Variants in FHIT observed in about 807,000 individuals in gnomAD.
FHIT encodes the protein fragile histidine triad diadenosine triphosphatase.
FHIT carries 19 observed loss-of-function variants against 17.9 expected under a neutral mutation model. The ratio of observed to expected loss-of-function variants is 1.06; its 90% CI spans 0.74 to 1.56. The LOEUF (loss-of-function observed/expected upper bound fraction) is 1.56, where lower values mean the gene tolerates loss of function less well. Ranked by LOEUF, FHIT falls within the 40% of genes most tolerant of loss-of-function variation. FHIT has a pLI of 0.00. For synonymous variants in FHIT, 81 were observed against 69.7 expected, an observed-to-expected ratio of 1.16 and a Z score of -0.81; for missense variants, 248 against 189.2, an observed-to-expected ratio of 1.31 and a Z score of -1.82.
intron 4 of FHIT, among the ~76,000 whole-genome samples, chr3:60,599,435 T>C (rs1553667972): frequency 1.3e-5 from 2 of 152,160 alleles, no homozygotes; most frequent in South Asian, 2.1e-4. Flanking sequence ...GGCTCAAAGA[T>C]AAGATACTTT....
At chr3:59,991,736 C>A (rs1174571247) in intron 7 of FHIT, among the ~76,000 whole-genome samples, 1 of 152,032 alleles carries the variant, frequency 6.6e-6, no homozygotes, top group Non-Finnish European at 1.5e-5. Flanking sequence ...GCTCAACAGT[C>A]GTTGTCTCCC....
At chr3:60,836,778 T>C (rs782355589) in intron 3 of FHIT, among the ~76,000 whole-genome samples, 1 of 152,128 alleles carries the variant, frequency 6.6e-6, no homozygotes, top group African/African-American at 2.4e-5. Context: ...CACTTTGATT[T>C]TGGGGGAAGG....
At chr3:60,263,705 C>T (rs34944550) in intron 5 of FHIT, among the ~76,000 whole-genome samples, 19,829 of 151,834 alleles carry the variant, frequency 0.13, 1,785 homozygotes, top group Non-Finnish European at 0.18. Context: ...GTGGAAGAAA[C>T]TTATTGATTT....
intron 7 of FHIT, among the ~76,000 whole-genome samples, chr3:59,977,073 G>A (rs575310695): frequency 2.9e-4 from 44 of 152,196 alleles, no homozygotes; most frequent in Admixed American, 5.9e-4. Context: ...TATCCATAGA[G>A]CTTGGATATA....
Position 59,904,422 on chromosome 3 carries a change from G to A in FHIT, c.348+17924C>T, listed in dbSNP as rs1338112097. 2.0e-5 allele frequency among the ~76,000 whole-genome samples: 3 copies of A among 152,180 alleles called. No individual in the cohort carries two copies. In the East Asian group the frequency reaches 5.8e-4, roughly 29 times the overall value. On this transcript the variant is annotated intron_variant, in intron 8 of 9. Coordinates refer to ENST00000492590, the MANE Select transcript of FHIT (RefSeq NM_002012.4). ...TGCATCAAAATCTTCCACCTCAACT[G>A]TCAGAAACAGATTGGAGAAAGTATT...
chr3:60,785,896 GACAC>G (rs71092634), intron 4 of FHIT, among the ~76,000 whole-genome samples: 218 of 85,854 alleles, frequency 2.5e-3, no homozygotes, highest in East Asian at 0.014. Context: ...ACAAACAGAA[GACAC>G]ACACACACAC....
chr3:60,155,408 AC>A (rs1458108705), intron 5 of FHIT, among the ~76,000 whole-genome samples: 1 of 151,940 alleles, frequency 6.6e-6, no homozygotes, highest in Non-Finnish European at 1.5e-5. Context: ...CTCCCCAACT[AC>A]CCCACGCAGC....
intron 5 of FHIT, among the ~76,000 whole-genome samples, chr3:60,242,690 A>G (rs553016439): frequency 6.6e-6 from 1 of 152,158 alleles, no homozygotes; most frequent in East Asian, 1.9e-4. Flanking sequence ...TAAAGACCAC[A>G]TCTTCTAATT....
At chr3:60,192,250 CAAAAAAAA>C (rs71089591) in intron 5 of FHIT, among the ~76,000 whole-genome samples, 1 of 121,580 alleles carries the variant, frequency 8.2e-6, no homozygotes, top group African/African-American at 3.2e-5. Flanking sequence ...CACTATGTCT[CAAAAAAAA>C]AAAAAAAAAA....
intron 5 of FHIT, among the ~76,000 whole-genome samples, chr3:60,335,512 A>T (rs1009828512): frequency 1.3e-5 from 2 of 152,190 alleles, no homozygotes; most frequent in Non-Finnish European, 2.9e-5. Context: ...TGATTCAAAC[A>T]TACAGATTCA....
intron 3 of FHIT, among the ~76,000 whole-genome samples, chr3:60,846,231 C>A (rs1553746415): frequency 6.6e-6 from 1 of 152,150 alleles, no homozygotes; most frequent in African/African-American, 2.4e-5. Flanking sequence ...AAGGTTATCA[C>A]CCTTCTGCCT....
chr3:60,719,603 G>A (rs1442964806), intron 4 of FHIT, among the ~76,000 whole-genome samples: 1 of 152,176 alleles, frequency 6.6e-6, no homozygotes, highest in African/African-American at 2.4e-5. Context: ...GGCAGCGTCA[G>A]CAGCATTTGG....
chr3:60,547,952 G>A (rs896695959), intron 4 of FHIT, among the ~76,000 whole-genome samples: 9 of 152,164 alleles, frequency 5.9e-5, no homozygotes, highest in Admixed American at 2.0e-4. Context: ...TTCTTTTTCC[G>A]GATTTGCTTT....
chr3:60,150,373 ATCACTGTTGCC>A (rs1700413491), intron 5 of FHIT, among the ~76,000 whole-genome samples: 1 of 152,132 alleles, frequency 6.6e-6, no homozygotes, highest in East Asian at 1.9e-4. Flanking sequence ...ATTGGAGTCA[ATCACTGTTGCC>A]CCTACCCTAG....
intron 3 of FHIT, among the ~76,000 whole-genome samples, chr3:60,902,465 G>T (rs1706169835): frequency 6.6e-6 from 1 of 152,184 alleles, no homozygotes; most frequent in Non-Finnish European, 1.5e-5. Flanking sequence ...ATAAAGGGCT[G>T]ACCCGAAAGT....
At chr3:60,132,739 G>T (rs1181603860) in intron 5 of FHIT, among the ~76,000 whole-genome samples, 2 of 152,000 alleles carry the variant, frequency 1.3e-5, no homozygotes, top group African/African-American at 4.8e-5. Flanking sequence ...CTGGCTTATT[G>T]TCATGCTGAT....
At chr3:60,317,787 TC>T (rs1034027783) in intron 5 of FHIT, among the ~76,000 whole-genome samples, 1 of 103,480 alleles carries the variant, frequency 9.7e-6, no homozygotes, top group African/African-American at 6.2e-5. Flanking sequence ...AAGTTTTTCT[TC>T]TTTTTTTTTT....
Position 60,344,377 on chromosome 3 carries a change from C to G in FHIT, c.103+192483G>C, listed in dbSNP as rs533678734. Among the ~76,000 whole-genome samples, 81 of 152,272 alleles carry G rather than the reference C, an allele frequency of 5.3e-4. 1 individual carries two copies. Among genetic ancestry groups the G allele is most frequent in the African/African-American group, 1.8e-3 (75 of 41,560 alleles). On this transcript the variant is annotated intron_variant, in intron 5 of 9. Transcript: ENST00000492590. ...ATCTAGAAGAGTGAACATTAGGCAG[C>G]TAATGCATAGAAATACTTGTATTTT...
rs5742127 is a variant in FHIT at position 60,458,951 on chromosome 3, A to AT, written c.103+77908dup. Among the ~76,000 whole-genome samples, 1,319 of 147,818 alleles carry AT rather than the reference A, an allele frequency of 8.9e-3. 16 individuals carry two copies. The highest frequency in any genetic ancestry group is 0.028 in the African/African-American group (1,158 of 40,658). On this transcript the variant is annotated intron_variant, in intron 5 of 9. Transcript: ENST00000492590. ...CCACCACACCTGGCTAATTTGTCTTATTTTTTTTTTTTTAGAAACAAAGTC... is the reference window on the plus strand; with the variant it reads ...CCACCACACCTGGCTAATTTGTCTTATTTTTTTTTTTTTTAGAAACAAAGTC...
Sources: allele counts gnomAD v4.1 joint callset (sites outside exome capture counted in the v4.1 genomes callset), GRCh38; gene constraint gnomAD v4.1.1; transcripts MANE v1.5; gene names NCBI Gene and HGNC (gene_info 2026-07-23, HGNC 2026-07-21).